The following SFTPD variants were observed in gnomAD, a reference collection of about 807,000 sequenced individuals.
The protein encoded by SFTPD is pulmonary surfactant-associated protein D.
SFTPD carries 18 observed loss-of-function variants against 34.6 expected under a neutral mutation model. That is an observed-to-expected ratio of 0.52 (90% confidence interval 0.36 to 0.77). The LOEUF is 0.77. Ranked by LOEUF, SFTPD falls within the 30% of genes least tolerant of loss-of-function variation. SFTPD has a pLI of 0.00. For missense variants in SFTPD, 433 were observed against 468.9 expected, an observed-to-expected ratio of 0.92 and a Z score of 0.71; for synonymous variants, 155 against 180.9, an observed-to-expected ratio of 0.86 and a Z score of 1.15.
intron 1 of SFTPD, chr10:79,970,645 C>CT (rs1842829995): frequency 6.6e-6 from 1 of 151,850 alleles, no homozygotes; most frequent in South Asian, 2.1e-4. Flanking sequence ...AATAGGATTG[C>CT]TTTTTTATTT....
At chr10:79,944,431 C>T (rs755595799) in intron 2 of SFTPD, among the ~76,000 whole-genome samples, 34 of 152,022 alleles carry the variant, frequency 2.2e-4, no homozygotes, top group Non-Finnish European at 3.5e-4. Context: ...GAAGGTGATC[C>T]GGGAGTAAAG....
intron 3 of SFTPD, 64 bp downstream of exon 3, chr10:79,942,699 C>G: frequency 1.7e-6 from 2 of 1,186,562 alleles, no homozygotes; most frequent in East Asian, 2.3e-5. Context: ...TGCGTGCCCA[C>G]TGGCATATCC....
chr10:79,973,699 C>G (rs1282787479), intron 1 of SFTPD, among the ~76,000 whole-genome samples: 2 of 150,902 alleles, frequency 1.3e-5, no homozygotes, highest in Non-Finnish European at 3.0e-5. Flanking sequence ...TCTGTCCCAT[C>G]TTTTTTACAA....
chr10:79,960,383 T>C (rs1427525062), intron 1 of SFTPD, among the ~76,000 whole-genome samples: 2 of 151,630 alleles, frequency 1.3e-5, no homozygotes, highest in African/African-American at 4.9e-5. Flanking sequence ...CATGATTGTA[T>C]ATCTAGAAAA....
chr10:79,975,539 T>G (rs1842859858), intron 1 of SFTPD, among the ~76,000 whole-genome samples: 1 of 152,104 alleles, frequency 6.6e-6, no homozygotes, highest in African/African-American at 2.4e-5. Context: ...CGGCGACCCT[T>G]CGACCTGGAT....
At chr10:79,942,627 C>A in intron 3 of SFTPD, 123 bp from the exon 4 acceptor site, 1 of 909,804 alleles carries the variant, frequency 1.1e-6, no homozygotes, top group Non-Finnish European at 1.8e-6. Context: ...ACAGCAGGTC[C>A]CATCTGTCCT....
intron 1 of SFTPD, among the ~76,000 whole-genome samples, chr10:79,960,185 A>G (rs1842763856): frequency 6.6e-6 from 1 of 150,724 alleles, no homozygotes; most frequent in Admixed American, 6.6e-5. Context: ...CACAGCCAAT[A>G]TCATACTGAA....
At chr10:79,940,841 G>T in intron 6 of SFTPD, 53 bp from the exon 7 acceptor site, 1 of 1,232,692 alleles carries the variant, frequency 8.1e-7, no homozygotes, top group Non-Finnish European at 1.2e-6. Context: ...CGAAGGAAGA[G>T]CTCAGAGTCT....
intron 1 of SFTPD, chr10:79,981,816 C>T (rs1441744971): frequency 2.1e-5 from 4 of 186,308 alleles, no homozygotes; most frequent in South Asian, 7.8e-5. Flanking sequence ...GCGCCCAGCG[C>T]GCCCAGACCG....
chr10:79,981,250 G>C (rs749883986), intron 1 of SFTPD, among the ~76,000 whole-genome samples: 40 of 152,076 alleles, frequency 2.6e-4, no homozygotes, highest in Non-Finnish European at 3.8e-4. Flanking sequence ...GAATTAGTCA[G>C]CTTGAAGACA....
At chr10:79,945,095 T>C (rs1842652651) in intron 2 of SFTPD, among the ~76,000 whole-genome samples, 1 of 152,134 alleles carries the variant, frequency 6.6e-6, no homozygotes, top group Non-Finnish European at 1.5e-5. Context: ...TGTTCTGTCC[T>C]GTGTCCAAGT....
intron 4 of SFTPD, 44 bp from the exon 5 acceptor site, chr10:79,942,114 T>G: frequency 7.1e-7 from 1 of 1,410,582 alleles, no homozygotes; most frequent in Non-Finnish European, 9.9e-7. Context: ...AAGAGCGCGT[T>G]CAGCAGGTGT....
chr10:79,957,921 C>A (rs967801971), intron 1 of SFTPD, among the ~76,000 whole-genome samples: 3 of 152,158 alleles, frequency 2.0e-5, no homozygotes, highest in Non-Finnish European at 2.9e-5. Flanking sequence ...TTACCCACAA[C>A]GGGAAGCCCA....
chr10:79,940,374 A>C (rs1411376054), intron 7 of SFTPD, among the ~76,000 whole-genome samples: 1 of 152,230 alleles, frequency 6.6e-6, no homozygotes, highest in Non-Finnish European at 1.5e-5. Flanking sequence ...TGGGTAGTTC[A>C]GGAGCCTGAT....
At chr10:79,956,649 C>T (rs958470067) in intron 1 of SFTPD, among the ~76,000 whole-genome samples, 84 of 152,356 alleles carry the variant, frequency 5.5e-4, no homozygotes, top group Admixed American at 4.8e-3. Context: ...ACAAAGCAGC[C>T]GGGAAGCTCG....
chr10:79,964,720 A>C (rs1589341377), intron 1 of SFTPD, among the ~76,000 whole-genome samples: 1 of 152,192 alleles, frequency 6.6e-6, no homozygotes, highest in South Asian at 2.1e-4. Context: ...CTCCTCAGGA[A>C]CTTGTCAGGC....
chr10:79,958,257 A>T (rs559143162), intron 1 of SFTPD, among the ~76,000 whole-genome samples: 73 of 152,310 alleles, frequency 4.8e-4, no homozygotes, highest in African/African-American at 1.6e-3. Flanking sequence ...GAGCAAAATA[A>T]CCAGCTAACA....
intron 1 of SFTPD, among the ~76,000 whole-genome samples, chr10:79,959,518 T>C (rs1842759535): frequency 6.6e-6 from 1 of 152,142 alleles, no homozygotes; most frequent in Admixed American, 6.5e-5. Context: ...TATAAACACC[T>C]CTACACAAAT....
chr10:79,951,032 T>A (rs1452988579), upstream of SFTPD: 1 of 152,076 alleles, frequency 6.6e-6, no homozygotes, highest in African/African-American at 2.4e-5. Context: ...TTCTAGAAGT[T>A]CTATTTGGTT....
Sources: allele counts gnomAD v4.1 joint callset (sites outside exome capture counted in the v4.1 genomes callset), GRCh38; gene constraint gnomAD v4.1.1; transcripts MANE v1.5; gene names NCBI Gene and HGNC (gene_info 2026-07-23, HGNC 2026-07-21).